The following TNS3 variants were observed in gnomAD, a reference collection of about 807,000 sequenced individuals.
TNS3 encodes the protein tensin-3.
Under a neutral mutation model 140.9 loss-of-function variants are expected in TNS3, and 45 were observed. The observed-to-expected ratio is 0.32, with a 90% confidence interval of 0.25 to 0.41. The LOEUF is 0.41. TNS3 is among the 10% of genes least tolerant of loss of function. TNS3 has a pLI of 1.00. For synonymous variants in TNS3, 815 were observed against 788.4 expected, an observed-to-expected ratio of 1.03 and a Z score of -0.56; for missense variants, 1,716 against 1,906.7, an observed-to-expected ratio of 0.90 and a Z score of 1.86.
chr7:47,380,656 T>C (rs911677846), intron 16 of TNS3, among the ~76,000 whole-genome samples: 1 of 152,076 alleles, frequency 6.6e-6, no homozygotes, highest in Non-Finnish European at 1.5e-5. Context: ...AGTTGGTAAA[T>C]CTCAGCAGGC....
intron 9 of TNS3, among the ~76,000 whole-genome samples, chr7:47,427,061 G>A (rs1017263228): frequency 6.7e-6 from 1 of 150,142 alleles, no homozygotes; most frequent in African/African-American, 2.5e-5. Context: ...GGGAAGCAGA[G>A]GTGGCAGTAA....
intron 1 of TNS3, among the ~76,000 whole-genome samples, chr7:47,559,126 C>T (rs758043860): frequency 6.6e-6 from 1 of 152,284 alleles, no homozygotes; most frequent in Non-Finnish European, 1.5e-5. Flanking sequence ...CCAAGGTGGG[C>T]GGATCATGAG....
chr7:47,357,690 G>A (rs1385281078), intron 17 of TNS3, among the ~76,000 whole-genome samples: 1 of 151,086 alleles, frequency 6.6e-6, no homozygotes, highest in Non-Finnish European at 1.5e-5. Flanking sequence ...CCTCAGTCGT[G>A]CTGTCTTCAT....
At chr7:47,572,888 ACT>A (rs1311044091) in intron 1 of TNS3, among the ~76,000 whole-genome samples, 1 of 152,004 alleles carries the variant, frequency 6.6e-6, no homozygotes, top group Admixed American at 6.6e-5. Flanking sequence ...AAACATAGCA[ACT>A]CTGTGTGTTG....
At chr7:47,406,267 G>C (rs1261747239) in intron 13 of TNS3, among the ~76,000 whole-genome samples, 1 of 152,288 alleles carries the variant, frequency 6.6e-6, no homozygotes, top group South Asian at 2.1e-4. Flanking sequence ...TGGCTGTGTC[G>C]AGGCGAAGGC....
intron 16 of TNS3, among the ~76,000 whole-genome samples, chr7:47,386,789 C>T (rs753781817): frequency 6.0e-4 from 92 of 152,234 alleles, no homozygotes; most frequent in Non-Finnish European, 9.4e-4. Context: ...GTCTGAAGAT[C>T]CATTAAAGCT....
intron 13 of TNS3, among the ~76,000 whole-genome samples, chr7:47,403,095 G>A (rs1009756102): frequency 1.1e-4 from 16 of 152,244 alleles, no homozygotes; most frequent in East Asian, 5.8e-4. Context: ...GCAGCTCACC[G>A]TGCCCCTCCC....
intron 4 of TNS3, among the ~76,000 whole-genome samples, chr7:47,470,052 A>C (rs527568663): frequency 9.2e-5 from 14 of 152,096 alleles, no homozygotes; most frequent in African/African-American, 3.4e-4. Flanking sequence ...GAACGAAATC[A>C]TGTCCTTTGC....
intron 20 of TNS3, among the ~76,000 whole-genome samples, chr7:47,323,695 T>C (rs1185192482): frequency 6.6e-6 from 1 of 152,056 alleles, no homozygotes; most frequent in Non-Finnish European, 1.5e-5. Context: ...ATGGGGAGGG[T>C]GAAGAAACTT....
chr7:47,375,675 C>T (rs561912648), intron 16 of TNS3, among the ~76,000 whole-genome samples: 1 of 152,168 alleles, frequency 6.6e-6, no homozygotes, highest in Non-Finnish European at 1.5e-5. Context: ...TATATGAAAA[C>T]ATCCCTTCCA....
intron 17 of TNS3, among the ~76,000 whole-genome samples, chr7:47,362,973 T>TA (rs376948284): frequency 2.3e-3 from 2 of 852 alleles, no homozygotes; most frequent in Middle Eastern, 0.12. Context: ...TCAGAGTCAT[T>TA]TACCATCACC....
intron 20 of TNS3, among the ~76,000 whole-genome samples, chr7:47,316,302 G>A (rs983793060): frequency 6.6e-6 from 1 of 152,224 alleles, no homozygotes; most frequent in Admixed American, 6.5e-5. Context: ...TGGGGCTGCT[G>A]CAGAGAAACA....
chr7:47,449,751 G>A (rs1325412387), intron 4 of TNS3, among the ~76,000 whole-genome samples: 5 of 152,104 alleles, frequency 3.3e-5, no homozygotes, highest in South Asian at 4.1e-4. Flanking sequence ...GATTACAGGC[G>A]CCCGCCACCA....
At chr7:47,566,956 C>G (rs573435399) in intron 1 of TNS3, among the ~76,000 whole-genome samples, 135 of 143,090 alleles carry the variant, frequency 9.4e-4, no homozygotes, top group African/African-American at 3.2e-3. Flanking sequence ...TCACCTGAAA[C>G]AGGGAGGGAG....
At chr7:47,405,423 A>T in intron 13 of TNS3, 1 of 686,192 alleles carries the variant, frequency 1.5e-6, no homozygotes, top group Non-Finnish European at 2.7e-6. Flanking sequence ...TTACAACCGC[A>T]TATTTGGAGG....
At chr7:47,345,218 G>A (rs905176146) in intron 18 of TNS3, among the ~76,000 whole-genome samples, 180 bp from the exon 19 acceptor site, 2 of 152,196 alleles carry the variant, frequency 1.3e-5, no homozygotes, top group African/African-American at 2.4e-5. Flanking sequence ...CCTAGCCATG[G>A]AAAACTGGAA....
chr7:47,439,720 A>T (rs1375284548), intron 5 of TNS3, 62 bp from the exon 6 acceptor site: 1 of 1,568,160 alleles, frequency 6.4e-7, no homozygotes, highest in Non-Finnish European at 8.7e-7. Context: ...TTCATCCTCT[A>T]GGAAAAAGGT....
At chr7:47,331,891 G>A (rs1788363074) in intron 20 of TNS3, among the ~76,000 whole-genome samples, 1 of 152,254 alleles carries the variant, frequency 6.6e-6, no homozygotes. Context: ...AAGTAGGACA[G>A]CCTGGCCAAT....
At chr7:47,546,960 C>T (rs1017369252) in intron 1 of TNS3, among the ~76,000 whole-genome samples, 3 of 152,264 alleles carry the variant, frequency 2.0e-5, no homozygotes, top group Non-Finnish European at 4.4e-5. Flanking sequence ...TACCACACCC[C>T]TCAGTCACGC....
Sources: gnomAD v4.1 joint callset for allele counts (sites outside exome capture counted in the v4.1 genomes callset) on GRCh38, gnomAD v4.1.1 for gene constraint, MANE v1.5 for transcripts, NCBI Gene and HGNC (gene_info 2026-07-23, HGNC 2026-07-21) for gene names.